APOH: variants seen among roughly 807,000 people sequenced by gnomAD.
The protein encoded by APOH is beta-2-glycoprotein 1.
APOH carries 48 observed loss-of-function variants against 39.8 expected under a neutral mutation model. The ratio of observed to expected loss-of-function variants is 1.21; its 90% CI spans 0.96 to 1.54. The LOEUF (loss-of-function observed/expected upper bound fraction) is 1.54, where lower values mean the gene tolerates loss of function less well. Ranked by LOEUF, APOH falls within the 40% of genes most tolerant of loss-of-function variation. The pLI is 0.00. For synonymous variants in APOH, 153 were observed against 151.1 expected, an observed-to-expected ratio of 1.01 and a Z score of -0.09; for missense variants, 415 against 421.2, an observed-to-expected ratio of 0.99 and a Z score of 0.13.
In APOH at chr17:66,227,885, C is replaced by T. The variant is rs528687735; in HGVS notation, c.241+135G>A. The T allele has an allele frequency of 2.3e-5, 20 of 865,734 alleles. No homozygotes were observed. The South Asian group carries it at 3.3e-4, about 14-fold the overall frequency. 53.6% of individuals were successfully genotyped at this position (865,734 alleles called of 1,614,324 possible). ...CACAGAGAGAACTCCCCAAGACCTT[C>T]TCATTTCTCTCCAACCTGGCTTTCT... On this transcript the variant is annotated intron_variant, in intron 2 of 7. Coordinates refer to ENST00000205948, the MANE Select transcript of APOH (RefSeq NM_000042.3).
chr17:66,228,269 GA>G, intron 1 of APOH, 73 bp from the exon 2 acceptor site: 1 of 1,504,464 alleles, frequency 6.6e-7, no homozygotes. Flanking sequence ...GCCCACAAAT[GA>G]AAAATGTGTG....
At chr17:66,225,298 A>C (rs182785934) in intron 3 of APOH, among the ~76,000 whole-genome samples, 2 of 152,138 alleles carry the variant, frequency 1.3e-5, no homozygotes, top group Admixed American at 6.5e-5. Flanking sequence ...GTCTATGCCC[A>C]CCGTTAAGTG....
At chr17:66,227,109 C>T (rs1237548980) in intron 2 of APOH, among the ~76,000 whole-genome samples, 7 of 152,064 alleles carry the variant, frequency 4.6e-5, no homozygotes, top group African/African-American at 1.4e-4. Flanking sequence ...GTCTTGAACT[C>T]CTGACCTCAG....
rs934454885 is a variant in APOH, at chr17:66,226,307, G to A, written c.242-183C>T. Among the ~76,000 whole-genome samples, 80 of 152,292 alleles carry A rather than the reference G, an allele frequency of 5.3e-4. 1 individual carries two copies. Among genetic ancestry groups the A allele is most frequent in the African/African-American group, 1.9e-3 (80 of 41,564 alleles). ...ATTCAAAATAAGACAAGTGATATAT[G>A]TACAAAAGCGTTCATTATACTGTTT... On this transcript the variant is annotated intron_variant, in intron 2 of 7. Transcript: ENST00000205948.
At chr17:66,212,479 G>T (rs144707050) in intron 7 of APOH, among the ~76,000 whole-genome samples, 1 of 152,094 alleles carries the variant, frequency 6.6e-6, no homozygotes, top group African/African-American at 2.4e-5. Context: ...CTACCTCCCA[G>T]GTTCAAGTGA....
At chr17:66,229,221 G>T in intron 1 of APOH, 95 bp downstream of exon 1, 1 of 1,015,620 alleles carries the variant, frequency 9.8e-7, no homozygotes, top group Non-Finnish European at 1.5e-6. Context: ...ACAGATGTGA[G>T]CAAGCACGCC....
At chr17:66,212,496 T>C (rs1395594624) in intron 7 of APOH, among the ~76,000 whole-genome samples, 2 of 152,318 alleles carry the variant, frequency 1.3e-5, no homozygotes, top group East Asian at 1.9e-4. Flanking sequence ...GTGATTCTCC[T>C]GTCTCAGCCT....
chr17:66,214,694 A>T lies in APOH; in HGVS notation c.785-44T>A, dbSNP rs187763914. On this transcript the variant is annotated intron_variant, in intron 6 of 7. Transcript: ENST00000205948. The stretch of plus-strand genomic sequence containing the variant: ...GTAATCAGGACTTAAGAGTTCAGGA[A>T]GTCTTTCTGAAAGAGAGTATAGCAT... 1.9e-4 allele frequency: 298 copies of T among 1,535,742 alleles called. No homozygotes were observed. In the African/African-American group the frequency reaches 3.8e-3, roughly 20 times the overall value.
Position 66,216,895 on chromosome 17 carries a change from T to A in APOH, c.677A>T (p.Tyr226Phe), listed in dbSNP as rs765421555. 3.7e-6 allele frequency: 6 copies of A among 1,613,346 alleles called. No individual in the cohort carries two copies. The highest frequency in any genetic ancestry group is 5.1e-6 in the Non-Finnish European group (6 of 1,179,698). Reference protein sequence around the residue: ...VNYPAKPTLYYKDKATFGCHD... With the variant: ...VNYPAKPTLYFKDKATFGCHD... ...GCAGCCAAATGTGGCTTTATCCTTG[T>A]AATAAAGTGTTGGTTTTGCAGGATA... The change falls in exon 6 of 8, where the codon TAC becomes TTC. Residue 226 changes from tyrosine to phenylalanine, a missense_variant. Around this residue, in one of 3 missense-constraint regions of APOH, gnomAD observed 288 missense variants for 284.9 expected, o/e 1.01. Transcript: ENST00000205948.
intron 3 of APOH, among the ~76,000 whole-genome samples, 194 bp from the exon 4 acceptor site, chr17:66,223,968 T>C (rs1224480658): frequency 3.9e-5 from 6 of 152,198 alleles, no homozygotes; most frequent in Non-Finnish European, 8.8e-5. Flanking sequence ...GGTGAATCAC[T>C]GCAGGGTTCC....
chr17:66,220,836 T>C, intron 4 of APOH, 94 bp from the exon 5 acceptor site: 1 of 1,268,234 alleles, frequency 7.9e-7, no homozygotes, highest in Non-Finnish European at 1.1e-6. Flanking sequence ...AAGGATAAAC[T>C]TGAGAAAATG....
chr17:66,220,750 A>C lies in APOH; in HGVS notation c.416-8T>G, dbSNP rs370412663. 1.9e-6 allele frequency: 3 copies of C among 1,599,320 alleles called. No homozygotes were observed. In the African/African-American group the frequency reaches 4.0e-5, roughly 21 times the overall value. On this transcript the variant is annotated splice_polypyrimidine_tract_variant and splice_region_variant and intron_variant, in intron 4 of 7. Coordinates refer to ENST00000205948, the MANE Select transcript of APOH (RefSeq NM_000042.3). Reference sequence around the variant, plus strand: ...GTGGAGGGCAGATGATGGCTGGGAAAATAAAGAACTATCATTTCTATGAAA... The same window carrying C: ...GTGGAGGGCAGATGATGGCTGGGAACATAAAGAACTATCATTTCTATGAAA...
chr17:66,221,997 G>A (rs992107288), intron 4 of APOH, among the ~76,000 whole-genome samples: 2 of 152,140 alleles, frequency 1.3e-5, no homozygotes, highest in Non-Finnish European at 2.9e-5. Flanking sequence ...TTTTAACAAG[G>A]TGCCCAGGAG....
At chr17:66,224,684 AAGGGAAG>A (rs2073426773) in intron 3 of APOH, among the ~76,000 whole-genome samples, 112 of 55,366 alleles carry the variant, frequency 2.0e-3, no homozygotes, top group Middle Eastern at 6.0e-3. Context: ...AAGGGAAGGG[AAGGGAAG>A]GGAAAGGAAA....
intron 2 of APOH, among the ~76,000 whole-genome samples, chr17:66,226,376 G>A (rs995739025): frequency 6.6e-6 from 1 of 152,154 alleles, no homozygotes; most frequent in African/African-American, 2.4e-5. Flanking sequence ...AGTGGCTCAC[G>A]CCTGTAATCC....
At chr17:66,217,220 A>AT (rs2073370878) in intron 5 of APOH, among the ~76,000 whole-genome samples, 1 of 152,192 alleles carries the variant, frequency 6.6e-6, no homozygotes, top group Admixed American at 6.5e-5. Context: ...CTGGGTTTTC[A>AT]CATATAATCA....
At chr17:66,212,649 G>A (rs1309185713) in intron 7 of APOH, among the ~76,000 whole-genome samples, 1 of 152,198 alleles carries the variant, frequency 6.6e-6, no homozygotes, top group African/African-American at 2.4e-5. Context: ...AAAGTGCTGG[G>A]ATTACAAGTG....
chr17:66,220,509 G>T, intron 5 of APOH, 45 bp downstream of exon 5: 1 of 1,570,580 alleles, frequency 6.4e-7, no homozygotes, highest in Non-Finnish European at 8.7e-7. Flanking sequence ...TTCACAAATG[G>T]GATCTTGCCC....
chr17:66,214,038 C>G (rs954619811), intron 7 of APOH, among the ~76,000 whole-genome samples: 1 of 151,962 alleles, frequency 6.6e-6, no homozygotes, highest in Non-Finnish European at 1.5e-5. Flanking sequence ...TTTAAAAACC[C>G]AGTGGCCAAA....
Sources: allele counts gnomAD v4.1 joint callset (sites outside exome capture counted in the v4.1 genomes callset), GRCh38; gene constraint gnomAD v4.1.1; regional missense constraint gnomAD v4.1.1; transcripts MANE v1.5; gene names NCBI Gene and HGNC (gene_info 2026-07-23, HGNC 2026-07-21).